The following NBPF19 variants were observed in gnomAD, a reference collection of about 807,000 sequenced individuals.
NBPF19 encodes the protein NBPF member 19, also known as NBPF family member NBPF19.
Under a neutral mutation model 45.9 loss-of-function variants are expected in NBPF19, and 30 were observed. The ratio of observed to expected loss-of-function variants is 0.65; its 90% CI spans 0.49 to 0.89. NBPF19 has a LOEUF of 0.89. Among genes scored for constraint, NBPF19 ranks in the 40% least tolerant of loss-of-function variants. The pLI is 0.00. For synonymous variants in NBPF19, 183 were observed against 181.2 expected, an observed-to-expected ratio of 1.01 and a Z score of -0.08; for missense variants, 495 against 471.8, an observed-to-expected ratio of 1.05 and a Z score of -0.46.
intron 13 of NBPF19, among the ~76,000 whole-genome samples, chr1:149,490,896 C>CTGTG (rs2085823264): frequency 7.8e-6 from 1 of 128,798 alleles, no homozygotes; most frequent in Non-Finnish European, 1.6e-5. Flanking sequence ...CTCTCTCTCT[C>CTGTG]TCTGTGTGTG....
intron 61 of NBPF19, among the ~76,000 whole-genome samples, 160 bp from the exon 62 acceptor site, chr1:149,529,014 C>G (rs2086929607): frequency 8.2e-6 from 1 of 121,882 alleles, no homozygotes. Flanking sequence ...CCATTTGGCC[C>G]TGTTCTGTCC....
intron 6 of NBPF19, among the ~76,000 whole-genome samples, chr1:149,481,810 C>A (rs1358563823): frequency 6.8e-6 from 1 of 146,034 alleles, no homozygotes; most frequent in Non-Finnish European, 1.5e-5. Flanking sequence ...TGTATAGATG[C>A]CTCTAAACAT....
rs2087211547 is a variant in NBPF19 at position 149,554,944 on chromosome 1, C to A, written c.*206C>A. 4 of 848,512 alleles carry A rather than the reference C, an allele frequency of 4.7e-6. No individual in the cohort carries two copies. The highest frequency in any genetic ancestry group is 7.3e-6 in the Non-Finnish European group (4 of 546,264). 52.6% of individuals were successfully genotyped at this position (848,512 alleles called of 1,614,324 possible). ...ACCCACGTTAGGTGTGACACGTTCA[C>A]ATAACTGTGCAGCACATGCCGGGAG... is the stretch of plus-strand genomic sequence containing the variant. On this transcript the variant is annotated 3_prime_UTR_variant, in exon 94 of 94. Transcript: ENST00000651566.
intron 8 of NBPF19, among the ~76,000 whole-genome samples, 189 bp from the exon 9 acceptor site, chr1:149,487,143 C>T (rs1196130775): frequency 6.6e-6 from 1 of 150,988 alleles, no homozygotes; most frequent in Non-Finnish European, 1.5e-5. Flanking sequence ...GAATTTTGCC[C>T]AAGGCTCATG....
chr1:149,554,790 C>A lies in NBPF19; in HGVS notation c.*52C>A. 6.2e-7 allele frequency: 1 copy of A among 1,605,892 alleles called. No homozygotes were observed. Among genetic ancestry groups the A allele is most frequent in the East Asian group, 2.2e-5 (1 of 44,820 alleles). On this transcript the variant is annotated 3_prime_UTR_variant, in exon 94 of 94. Transcript: ENST00000651566. ...CATTCCTGCAGGCAGGACCTATAGGCACGTGAAGATTTGAATGAAACTACA... is the reference window on the plus strand; with the variant it reads ...CATTCCTGCAGGCAGGACCTATAGGAACGTGAAGATTTGAATGAAACTACA...
intron 8 of NBPF19, among the ~76,000 whole-genome samples, 170 bp from the exon 9 acceptor site, chr1:149,487,162 C>A (rs1227239767): frequency 1.3e-5 from 2 of 151,044 alleles, no homozygotes; most frequent in Admixed American, 1.3e-4. Flanking sequence ...TGAAAGAACC[C>A]AAGCCAGTTT....
rs2087215913 is a variant in NBPF19, at chr1:149,555,080, A to G, written c.*342A>G. ...TGAGCTTCTATACCTGCTCAAGGTC[A>G]GTGTCATCTTTGTGTTTAGCTCATC... On this transcript the variant is annotated 3_prime_UTR_variant, in exon 94 of 94. Transcript: ENST00000651566. The G allele has an allele frequency of 2.7e-6, 1 of 365,848 alleles. No homozygotes were observed. Among genetic ancestry groups the G allele is most frequent in the African/African-American group, 2.1e-5 (1 of 47,814 alleles). 22.7% of individuals were successfully genotyped at this position (365,848 alleles called of 1,614,324 possible). A position where few individuals can be genotyped will look rare whatever the true frequency, so the allele number is the denominator to read the frequency against.
chr1:149,483,723 C>T (rs1222171997), intron 7 of NBPF19, among the ~76,000 whole-genome samples: 4 of 82,930 alleles, frequency 4.8e-5, no homozygotes, highest in Non-Finnish European at 9.4e-5. Context: ...TAAGGCAGGC[C>T]TGGTGGTGAC....
intron 6 of NBPF19, among the ~76,000 whole-genome samples, chr1:149,481,500 C>T: frequency 3.9e-5 from 3 of 76,828 alleles, no homozygotes; most frequent in Admixed American, 1.5e-4. Context: ...TTTTTTTTTG[C>T]AATGGAGTCT....
chr1:149,515,054 A>T lies in NBPF19; in HGVS notation c.5269A>T (p.Ser1757Cys). The T allele has an allele frequency of 1.4e-6, 1 of 698,364 alleles. No homozygotes were observed. The highest frequency in any genetic ancestry group is 1.5e-5 in the South Asian group (1 of 67,410). 43.3% of individuals were successfully genotyped at this position (698,364 alleles called of 1,614,324 possible). Reference sequence around the variant, plus strand: ...GCCTGACTCCTGCCAGCCCTATGGAAGTTCCTTTTATGCATTGGAGGAAAA... The same window carrying T: ...GCCTGACTCCTGCCAGCCCTATGGATGTTCCTTTTATGCATTGGAGGAAAA... ...EQPDSCQPYG[S>C]SFYALEEKHV... is the part of the protein sequence containing the mutation. The change falls in exon 44 of 94, where the codon AGT becomes TGT. Residue 1757 changes from serine to cysteine, a missense_variant. Around this residue, in one of 8 missense-constraint regions of NBPF19, gnomAD observed 11 missense variants for 40.4 expected, o/e 0.27. Coordinates refer to ENST00000651566, the MANE Select transcript of NBPF19 (RefSeq NM_001351365.2).
intron 4 of NBPF19, 55 bp from the exon 5 acceptor site, chr1:149,480,085 CTG>C (rs1462818142): frequency 4.5e-6 from 3 of 665,810 alleles, no homozygotes; most frequent in Non-Finnish European, 5.5e-6. Context: ...ATTGGGCTGA[CTG>C]TGCTTGCAGA....
intron 93 of NBPF19, 79 bp from the exon 94 acceptor site, chr1:149,554,416 T>C (rs1373006907): frequency 1.2e-6 from 2 of 1,607,334 alleles, no homozygotes; most frequent in African/African-American, 1.3e-5. Flanking sequence ...CACTTCCTTA[T>C]GTGACTTCTG....
intron 2 of NBPF19, among the ~76,000 whole-genome samples, chr1:149,477,257 T>C (rs2084895781): frequency 6.6e-6 from 1 of 151,002 alleles, no homozygotes; most frequent in African/African-American, 2.4e-5. Flanking sequence ...GAACATTAAT[T>C]GGCACAGTGG....
In NBPF19 at chr1:149,487,524, T is replaced by A. The variant is rs2085620742; in HGVS notation, c.1040+141T>A. ...TATGCCTAATACATTGCTTTTTTGT[T>A]CTCATTAGAGTAAATGTTTAGGTTT... is the stretch of plus-strand genomic sequence containing the variant. On this transcript the variant is annotated intron_variant, in intron 9 of 93. Transcript: ENST00000651566. 5.0e-6 allele frequency: 5 copies of A among 1,001,238 alleles called. 1 individual carries two copies. Among genetic ancestry groups the A allele is most frequent in the Admixed American group, 3.4e-5 (2 of 58,580 alleles). The allele number at this position is 1,001,238 out of a possible 1,614,324, so 62.0% of individuals were successfully genotyped here.
rs1343841219 is a variant in NBPF19, at chr1:149,555,017, C to G, written c.*279C>G. Reference sequence around the variant, plus strand: ...TGAACCACGTATCTTTGGGTAGCTACAAAATTCCTCAGGGATTTCATTTTG... The same window carrying G: ...TGAACCACGTATCTTTGGGTAGCTAGAAAATTCCTCAGGGATTTCATTTTG... On this transcript the variant is annotated 3_prime_UTR_variant, in exon 94 of 94. Coordinates refer to ENST00000651566, the MANE Select transcript of NBPF19 (RefSeq NM_001351365.2). 1.1e-5 allele frequency: 6 copies of G among 538,324 alleles called. No individual in the cohort carries two copies. The African/African-American group carries it at 1.1e-4, about 10-fold the overall frequency. 33.3% of individuals were successfully genotyped at this position (538,324 alleles called of 1,614,324 possible).
rs2085008311 is a variant in NBPF19 at position 149,478,885 on chromosome 1, A to G, written c.284A>G (p.Tyr95Cys). The G allele has an allele frequency of 3.1e-5, 49 of 1,604,912 alleles. 4 individuals are homozygous for G. The highest frequency in any genetic ancestry group is 4.0e-5 in the Non-Finnish European group (47 of 1,174,174). Residue 95 changes from tyrosine (Y) to cysteine (C), a missense_variant, in exon 4 of 94, where the codon TAT becomes TGT. Coordinates refer to ENST00000651566, the MANE Select transcript of NBPF19 (RefSeq NM_001351365.2). ...QLKQAEELRQ[Y>C]KVLFHSQERE... The stretch of plus-strand genomic sequence containing the variant: ...TCTCTACCGTCTCACCTTAGGCAAT[A>G]TAAAGTCCTGTTTCACTCTCAGGAA...
rs1202157312 is a variant in NBPF19, at chr1:149,477,920, G to T, written c.176-25G>T. The T allele has an allele frequency of 3.3e-4, 388 of 1,171,252 alleles. 5 individuals carry two copies. The African/African-American group carries it at 5.0e-3, about 15-fold the overall frequency. 72.6% of individuals were successfully genotyped at this position (1,171,252 alleles called of 1,614,324 possible). A position where few individuals can be genotyped will look rare whatever the true frequency, so the allele number is the denominator to read the frequency against. ...AGCAGCATGTCCAGCCTTCCACTGA[G>T]GCAGGCGTGTCTGTCTTTTCTCAGA... On this transcript the variant is annotated intron_variant, in intron 2 of 93. Transcript: ENST00000651566.
chr1:149,554,655 C>A lies in NBPF19; in HGVS notation c.11449C>A (p.Leu3817Ile). The change falls in exon 94 of 94, where the codon CTT (leucine) becomes ATT (isoleucine). Residue 3817 changes from leucine (L) to isoleucine (I), a missense_variant. Leu to Ile is a conservative substitution (Grantham distance 5). Transcript: ENST00000651566. ...TGAGGAAGAGCATATCAGCTTCGCCCTTTACTTGGACAATAGGTTTTTTAC... is the reference window on the plus strand; with the variant it reads ...TGAGGAAGAGCATATCAGCTTCGCCATTTACTTGGACAATAGGTTTTTTAC... ...SFEEEHISFA[L>I]YLDNRFFTLT... is the part of the protein sequence containing the mutation. 6.2e-7 allele frequency: 1 copy of A among 1,608,270 alleles called. No homozygotes were observed. The highest frequency in any genetic ancestry group is 8.5e-7 in the Non-Finnish European group (1 of 1,176,746).
intron 5 of NBPF19, 99 bp downstream of exon 5, chr1:149,480,313 C>T (rs2085097476): frequency 1.5e-6 from 1 of 660,982 alleles, no homozygotes. Flanking sequence ...CAAAAACCCG[C>T]ATTCGCTTGG....
Sources: allele counts gnomAD v4.1 joint callset (sites outside exome capture counted in the v4.1 genomes callset), GRCh38; gene constraint gnomAD v4.1.1; regional missense constraint gnomAD v4.1.1; transcripts MANE v1.5; gene names NCBI Gene and HGNC (gene_info 2026-07-23, HGNC 2026-07-21).